DLG2: variants seen among roughly 807,000 people sequenced by gnomAD.
DLG2 encodes the protein discs large MAGUK scaffold protein 2.
Under a neutral mutation model 132.5 loss-of-function variants are expected in DLG2, and 45 were observed. That is an observed-to-expected ratio of 0.34 (90% CI 0.27 to 0.44). DLG2 has a LOEUF of 0.44. Among genes scored for constraint, DLG2 ranks in the 20% least tolerant of loss-of-function variants. The pLI, the probability that DLG2 is intolerant of heterozygous loss-of-function variation, is 1.00. For missense variants in DLG2, 1,045 were observed against 1,196.9 expected, an observed-to-expected ratio of 0.87 and a Z score of 1.87; for synonymous variants, 424 against 419.6, an observed-to-expected ratio of 1.01 and a Z score of -0.13.
intron 6 of DLG2, among the ~76,000 whole-genome samples, chr11:84,969,074 CAA>C (rs375526999): frequency 2.2e-4 from 25 of 111,658 alleles, no homozygotes; most frequent in Admixed American, 3.7e-4. Flanking sequence ...TCTTCACTTG[CAA>C]AAAAAAAAAA....
chr11:84,880,619 C>T (rs1235854271), intron 6 of DLG2, among the ~76,000 whole-genome samples: 3 of 152,140 alleles, frequency 2.0e-5, no homozygotes, highest in African/African-American at 4.8e-5. Flanking sequence ...ATAATATACC[C>T]TATCTCCCAT....
intron 7 of DLG2, among the ~76,000 whole-genome samples, chr11:84,480,715 T>C (rs1340562098): frequency 2.0e-5 from 3 of 151,676 alleles, no homozygotes; most frequent in Admixed American, 6.6e-5. Context: ...CGTTTTTTGT[T>C]TGTTTGTTTG....
At chr11:83,757,469 C>G (rs185433241) in intron 18 of DLG2, among the ~76,000 whole-genome samples, 5 of 152,244 alleles carry the variant, frequency 3.3e-5, no homozygotes, top group African/African-American at 4.8e-5. Flanking sequence ...GAGCTGGGAC[C>G]CAGAGGTGGG....
intron 10 of DLG2, among the ~76,000 whole-genome samples, chr11:84,084,755 G>A (rs2096952323): frequency 6.6e-6 from 1 of 151,992 alleles, no homozygotes; most frequent in Admixed American, 6.6e-5. Flanking sequence ...CATAATGATT[G>A]TACATTTTCT....
Position 84,998,991 on chromosome 11 carries a change from T to A in DLG2, c.357+112670A>T, listed in dbSNP as rs1048642803. Among the ~76,000 whole-genome samples the A allele has an allele frequency of 5.4e-5, 8 of 147,198 alleles. 1 individual carries two copies. The Middle Eastern group carries it at 0.01, about 193-fold the overall frequency. On this transcript the variant is annotated intron_variant, in intron 6 of 27. Transcript: ENST00000376104. Reference sequence around the variant, plus strand: ...ATTACAATTATATATATATATATATTTTATTTCTAAGTGTTTGGAGTGAGA... The same window carrying A: ...ATTACAATTATATATATATATATATATTATTTCTAAGTGTTTGGAGTGAGA...
At position 84,463,548 on chromosome 11, in the gene DLG2, A is replaced by G. The variant is rs141609960; in HGVS notation, c.519+71022T>C. Among the ~76,000 whole-genome samples, 1,267 of 151,258 alleles carry G rather than the reference A, an allele frequency of 8.4e-3. 7 individuals carry two copies. The highest frequency in any genetic ancestry group is 0.012 in the Non-Finnish European group (781 of 67,434). ...CTTGAGACAAGAGAAGGGGAGGATG[A>G]GGTAGTATTGATGGACTATTATTTC... is the stretch of plus-strand genomic sequence containing the variant. On this transcript the variant is annotated intron_variant, in intron 7 of 27. Transcript: ENST00000376104.
At chr11:83,558,917 C>T (rs561877089) in intron 19 of DLG2, among the ~76,000 whole-genome samples, 9 of 147,738 alleles carry the variant, frequency 6.1e-5, no homozygotes, top group Non-Finnish European at 1.3e-4. Flanking sequence ...CCTCCATCAA[C>T]GAGATTCTCA....
intron 21 of DLG2, among the ~76,000 whole-genome samples, chr11:83,487,451 T>G (rs1257805739): frequency 1.3e-5 from 2 of 152,062 alleles, no homozygotes; most frequent in African/African-American, 4.8e-5. Context: ...AAGAGGAATC[T>G]GAAGTGTATA....
chr11:85,559,818 T>A lies in DLG2; in HGVS notation c.40+38839A>T, dbSNP rs11234363. 6.0e-4 allele frequency among the ~76,000 whole-genome samples: 86 copies of A among 144,444 alleles called. 1 individual carries two copies. The highest frequency in any genetic ancestry group is 3.5e-3 in the Middle Eastern group (1 of 284). The allele number at this position is 144,444 out of a possible 152,430, so 94.8% of individuals were successfully genotyped here. ...GATAGATGGTGATTAGTTAGATGAT[T>A]GATAGATAGATAGATAGATAGATAG... is the stretch of plus-strand genomic sequence containing the variant. On this transcript the variant is annotated intron_variant, in intron 3 of 27. Transcript: ENST00000376104.
chr11:84,790,188 T>G (rs1410898730), intron 6 of DLG2, among the ~76,000 whole-genome samples: 1 of 152,190 alleles, frequency 6.6e-6, no homozygotes, highest in Non-Finnish European at 1.5e-5. Context: ...GTTGTACTAA[T>G]TTACATTCCC....
rs539798079 is a variant in DLG2 at position 84,425,952 on chromosome 11, CT to C, written c.519+108617del. Among the ~76,000 whole-genome samples the C allele has an allele frequency of 3.9e-5, 6 of 152,190 alleles. No homozygotes were observed. The South Asian group carries it at 1.2e-3, about 32-fold the overall frequency. ...TTCCAAATGCCATCCTGTTGGGTGA[CT>C]TTTTTGTTGTTGTTGTTGTTTTTTA... On this transcript the variant is annotated intron_variant, in intron 7 of 27. Transcript: ENST00000376104.
In DLG2 at chr11:85,071,095, G is replaced by C. The variant is rs139333484; in HGVS notation, c.357+40566C>G. Among the ~76,000 whole-genome samples the C allele has an allele frequency of 5.9e-5, 9 of 151,984 alleles. No individual in the cohort carries two copies. In the East Asian group the frequency reaches 1.6e-3, roughly 26 times the overall value. On this transcript the variant is annotated intron_variant, in intron 6 of 27. Transcript: ENST00000376104. Reference sequence around the variant, plus strand: ...AATGGACAATAGCGTTTAACACATAGAGTTGTTGGGAGGATTAAATGAATT... The same window carrying C: ...AATGGACAATAGCGTTTAACACATACAGTTGTTGGGAGGATTAAATGAATT...
chr11:85,463,989 T>TACGCACACACACACACAC (rs1555141402), intron 3 of DLG2, among the ~76,000 whole-genome samples: 1 of 139,324 alleles, frequency 7.2e-6, no homozygotes, highest in Non-Finnish European at 1.5e-5. Context: ...GACATACATG[T>TACGCACACACACACACAC]ACACACACAC....
intron 11 of DLG2, among the ~76,000 whole-genome samples, chr11:84,033,891 C>A (rs1372119586): frequency 1.0e-5 from 1 of 97,918 alleles, no homozygotes; most frequent in Non-Finnish European, 2.3e-5. Flanking sequence ...ATACAAAAAA[C>A]AAAAACAAAA....
intron 6 of DLG2, among the ~76,000 whole-genome samples, chr11:84,884,610 T>G (rs1419247764): frequency 6.6e-6 from 1 of 152,082 alleles, no homozygotes; most frequent in Non-Finnish European, 1.5e-5. Context: ...TAATTTTTAG[T>G]GAGAGTTTTT....
chr11:84,869,241 G>T (rs1046684903), intron 6 of DLG2, among the ~76,000 whole-genome samples: 1 of 152,094 alleles, frequency 6.6e-6, no homozygotes, highest in African/African-American at 2.4e-5. Context: ...TAGTCATTAC[G>T]TGGTAGCTAC....
chr11:83,833,986 A>T (rs1158571103), intron 16 of DLG2, among the ~76,000 whole-genome samples: 3 of 152,356 alleles, frequency 2.0e-5, no homozygotes, highest in Non-Finnish European at 4.4e-5. Context: ...GCAAAAAATC[A>T]TTCCTTCATT....
chr11:84,631,301 T>C (rs2099631756), intron 6 of DLG2, among the ~76,000 whole-genome samples: 1 of 152,024 alleles, frequency 6.6e-6, no homozygotes, highest in Non-Finnish European at 1.5e-5. Context: ...GTTTATCTAA[T>C]GAATGAATGA....
intron 20 of DLG2, among the ~76,000 whole-genome samples, chr11:83,536,657 C>T (rs1307622121): frequency 1.3e-5 from 2 of 151,250 alleles, no homozygotes; most frequent in African/African-American, 2.4e-5. Context: ...AGAAACTGTG[C>T]TAAGCACTTC....
Sources: gnomAD v4.1 joint callset for allele counts (sites outside exome capture counted in the v4.1 genomes callset) on GRCh38, gnomAD v4.1.1 for gene constraint, MANE v1.5 for transcripts, NCBI Gene and HGNC (gene_info 2026-07-23, HGNC 2026-07-21) for gene names.